Variants in PLXNA4 observed in about 807,000 individuals in gnomAD.
PLXNA4 encodes plexin A4.
Under a neutral mutation model 191.8 loss-of-function variants are expected in PLXNA4, and 44 were observed. That is an observed-to-expected ratio of 0.23 (90% confidence interval 0.18 to 0.29). The LOEUF (loss-of-function observed/expected upper bound fraction) is 0.29, where lower values mean the gene tolerates loss of function less well. Ranked by LOEUF, PLXNA4 falls within the 10% of genes least tolerant of loss-of-function variation. PLXNA4 has a pLI of 1.00. For missense variants in PLXNA4, 1,800 were observed against 2,488.8 expected, an observed-to-expected ratio of 0.72 and a Z score of 5.89; for synonymous variants, 1,082 against 1,009.5, an observed-to-expected ratio of 1.07 and a Z score of -1.36.
intron 3 of PLXNA4, chr7:132,384,974 G>C (rs1013228250): frequency 2.9e-5 from 40 of 1,361,566 alleles, no homozygotes; most frequent in Non-Finnish European, 3.7e-5. Flanking sequence ...CCCATGGGAC[G>C]CTTGGGGCAG....
intron 3 of PLXNA4, among the ~76,000 whole-genome samples, chr7:132,382,022 G>C (rs1563067902): frequency 8.7e-6 from 1 of 114,290 alleles, no homozygotes; most frequent in Non-Finnish European, 1.6e-5. Flanking sequence ...AGAGAGGAGG[G>C]GGGAAAACAC....
At chr7:132,224,855 A>G (rs1321208410) in intron 8 of PLXNA4, among the ~76,000 whole-genome samples, 2 of 152,078 alleles carry the variant, frequency 1.3e-5, no homozygotes, top group Admixed American at 6.5e-5. Flanking sequence ...AGATCAATAG[A>G]CCCTAAAATT....
At chr7:132,248,912 C>G (rs1037260301) in intron 4 of PLXNA4, among the ~76,000 whole-genome samples, 1 of 152,126 alleles carries the variant, frequency 6.6e-6, no homozygotes, top group African/African-American at 2.4e-5. Flanking sequence ...TTGCCTTGAG[C>G]TTTGCAATTC....
At chr7:132,250,546 C>T (rs905624747) in intron 4 of PLXNA4, among the ~76,000 whole-genome samples, 2 of 152,180 alleles carry the variant, frequency 1.3e-5, no homozygotes, top group African/African-American at 4.8e-5. Context: ...AGCTCTCATG[C>T]TCACATTCAC....
intron 15 of PLXNA4, 124 bp downstream of exon 15, chr7:132,187,347 A>G (rs919908819): frequency 2.3e-5 from 33 of 1,458,392 alleles, no homozygotes; most frequent in Non-Finnish European, 3.0e-5. Flanking sequence ...GCAGCTGGCA[A>G]GAAGAACCTG....
chr7:132,399,250 C>T (rs946202782), intron 3 of PLXNA4, among the ~76,000 whole-genome samples: 1 of 152,160 alleles, frequency 6.6e-6, no homozygotes, highest in Admixed American at 6.5e-5. Flanking sequence ...GGGACACAAC[C>T]CAGTCCCTGC....
chr7:132,259,462 AAAAAAAAAAAAGAAAAAAG>A (rs1799551532), intron 4 of PLXNA4, among the ~76,000 whole-genome samples: 1 of 140,014 alleles, frequency 7.1e-6, no homozygotes, highest in Non-Finnish European at 1.6e-5. Flanking sequence ...AAAAAAAAAA[AAAAAAAAAAAAGAAAAAAG>A]GAAAAAAGAA....
chr7:132,646,677 T>C (rs1803875831), intron 1 of PLXNA4, among the ~76,000 whole-genome samples: 1 of 152,140 alleles, frequency 6.6e-6, no homozygotes, highest in Non-Finnish European at 1.5e-5. Context: ...GGGAAATCAA[T>C]GCCTGTTGTT....
intron 3 of PLXNA4, among the ~76,000 whole-genome samples, chr7:132,417,358 G>A (rs1794694719): frequency 6.6e-6 from 1 of 152,174 alleles, no homozygotes; most frequent in African/African-American, 2.4e-5. Flanking sequence ...GATTGGGGCT[G>A]CCTCCTCTGC....
chr7:132,563,170 T>G (rs1298157086), intron 1 of PLXNA4, among the ~76,000 whole-genome samples: 4 of 59,970 alleles, frequency 6.7e-5, no homozygotes, highest in African/African-American at 2.1e-4. Context: ...CTCCTCCTTC[T>G]CCTCCTCCTT....
chr7:132,229,149 G>A (rs1489958965), intron 5 of PLXNA4, among the ~76,000 whole-genome samples: 1 of 152,160 alleles, frequency 6.6e-6, no homozygotes, highest in Non-Finnish European at 1.5e-5. Flanking sequence ...ATCCCCTCAT[G>A]TAGGCAGGTG....
intron 4 of PLXNA4, among the ~76,000 whole-genome samples, chr7:132,272,858 A>C (rs1376168128): frequency 6.6e-6 from 1 of 151,166 alleles, no homozygotes; most frequent in East Asian, 1.9e-4. Context: ...GGCCTCCTTA[A>C]GAACGTTCTT....
intron 9 of PLXNA4, among the ~76,000 whole-genome samples, chr7:132,219,739 T>C (rs935643092): frequency 6.6e-6 from 1 of 152,150 alleles, no homozygotes; most frequent in Non-Finnish European, 1.5e-5. Context: ...TTTCAGTCAA[T>C]GACAAACTAT....
At chr7:132,149,946 C>T (rs548291970) in intron 25 of PLXNA4, among the ~76,000 whole-genome samples, 1 of 152,328 alleles carries the variant, frequency 6.6e-6, no homozygotes, top group Admixed American at 6.5e-5. Context: ...AGATGGCATG[C>T]CCTTTGGAAT....
upstream of PLXNA4, among the ~76,000 whole-genome samples, chr7:132,577,485 C>T (rs1322055838): frequency 5.9e-5 from 9 of 151,382 alleles, no homozygotes; most frequent in Non-Finnish European, 8.8e-5. Context: ...CTCGCTGGCT[C>T]GGAGCTCGCG....
chr7:132,148,522 C>G, intron 26 of PLXNA4, 21 bp downstream of exon 26: 2 of 1,613,844 alleles, frequency 1.2e-6, no homozygotes, highest in South Asian at 1.1e-5. Flanking sequence ...CTAGCTCCTC[C>G]CCTTTCCACA....
intron 4 of PLXNA4, among the ~76,000 whole-genome samples, chr7:132,286,919 G>T (rs1440742723): frequency 6.6e-6 from 1 of 152,182 alleles, no homozygotes; most frequent in African/African-American, 2.4e-5. Flanking sequence ...CTTTCTAGAG[G>T]CTTTGAGATG....
chr7:132,602,722 G>A (rs1194224189), intron 2 of PLXNA4, among the ~76,000 whole-genome samples: 3 of 152,166 alleles, frequency 2.0e-5, no homozygotes, highest in Admixed American at 6.5e-5. Flanking sequence ...AGGGAAGAGA[G>A]TACAAGAGGG....
chr7:132,603,570 A>G (rs1178350863), intron 2 of PLXNA4, among the ~76,000 whole-genome samples: 1 of 152,220 alleles, frequency 6.6e-6, no homozygotes, highest in Non-Finnish European at 1.5e-5. Flanking sequence ...CCTGCTGGCC[A>G]GGATTCAGTC....
Sources: gnomAD v4.1 joint callset for allele counts (sites outside exome capture counted in the v4.1 genomes callset) on GRCh38, gnomAD v4.1.1 for gene constraint, MANE v1.5 for transcripts, NCBI Gene and HGNC (gene_info 2026-07-23, HGNC 2026-07-21) for gene names.